NTM: variants seen among roughly 807,000 people sequenced by gnomAD.
NTM encodes neurotrimin, also known as IgLON family member 2.
A neutral mutation model predicts 42.1 loss-of-function variants in NTM; 13 were observed. The observed-to-expected ratio is 0.31, with a 90% CI of 0.20 to 0.49. NTM has a LOEUF of 0.49. Among genes scored for constraint, NTM ranks in the 20% least tolerant of loss-of-function variants. The pLI is 0.99. For synonymous variants in NTM, 187 were observed against 179.2 expected, an observed-to-expected ratio of 1.04 and a Z score of -0.35; for missense variants, 373 against 452.8, an observed-to-expected ratio of 0.82 and a Z score of 1.60.
At chr11:131,389,766 A>T (rs965381548) in intron 1 of NTM, among the ~76,000 whole-genome samples, 1 of 152,236 alleles carries the variant, frequency 6.6e-6, no homozygotes, top group African/African-American at 2.4e-5. Flanking sequence ...GCTGCGTTAC[A>T]AATAGGAACT....
intron 1 of NTM, among the ~76,000 whole-genome samples, chr11:131,770,252 C>G (rs933355992): frequency 6.6e-6 from 1 of 152,182 alleles, no homozygotes; most frequent in Non-Finnish European, 1.5e-5. Flanking sequence ...GCTGAGCAGC[C>G]CAGACCTTTG....
At chr11:131,832,997 T>C (rs1167316153) in intron 1 of NTM, among the ~76,000 whole-genome samples, 1 of 152,240 alleles carries the variant, frequency 6.6e-6, no homozygotes, top group African/African-American at 2.4e-5. Context: ...ATTTATAACA[T>C]GTTAGAATTA....
chr11:132,254,549 G>T (rs1434295892), intron 4 of NTM, among the ~76,000 whole-genome samples: 2 of 151,916 alleles, frequency 1.3e-5, no homozygotes, highest in Non-Finnish European at 2.9e-5. Flanking sequence ...CCCATCTACC[G>T]CTGGCCTTCC....
chr11:132,256,515 CT>C (rs766050646), intron 4 of NTM, among the ~76,000 whole-genome samples: 1 of 152,192 alleles, frequency 6.6e-6, no homozygotes, highest in Non-Finnish European at 1.5e-5. Flanking sequence ...ACTTTGCCGG[CT>C]TTTTCTCATT....
chr11:131,883,514 G>A (rs2049883156), intron 1 of NTM, among the ~76,000 whole-genome samples: 1 of 151,348 alleles, frequency 6.6e-6, no homozygotes, highest in African/African-American at 2.4e-5. Context: ...AGAAAAAACA[G>A]CACCAGGTAT....
intron 1 of NTM, among the ~76,000 whole-genome samples, chr11:131,458,786 G>T (rs1483053639): frequency 6.6e-6 from 1 of 152,228 alleles, no homozygotes; most frequent in Non-Finnish European, 1.5e-5. Context: ...GCAATGGTTT[G>T]CAAACTTAGT....
chr11:131,901,172 T>C (rs1450383234), intron 1 of NTM, among the ~76,000 whole-genome samples: 2 of 152,238 alleles, frequency 1.3e-5, no homozygotes, highest in African/African-American at 4.8e-5. Flanking sequence ...ATTATTCCTT[T>C]TTAATAGAAG....
intron 1 of NTM, among the ~76,000 whole-genome samples, chr11:131,439,981 A>T (rs1298007017): frequency 6.7e-6 from 1 of 148,828 alleles, no homozygotes; most frequent in African/African-American, 2.5e-5. Flanking sequence ...TTTGTACTTA[A>T]TACATTTCTC....
intron 1 of NTM, among the ~76,000 whole-genome samples, chr11:131,437,800 T>C (rs1272207979): frequency 6.6e-6 from 1 of 152,196 alleles, no homozygotes; most frequent in Non-Finnish European, 1.5e-5. Flanking sequence ...AGGTTAATAT[T>C]GTTACATGTG....
At chr11:131,839,863 G>A (rs970218699) in intron 1 of NTM, among the ~76,000 whole-genome samples, 1 of 152,196 alleles carries the variant, frequency 6.6e-6, no homozygotes, top group Non-Finnish European at 1.5e-5. Flanking sequence ...TTGGGAGATA[G>A]TCAGTTTCTA....
intron 1 of NTM, among the ~76,000 whole-genome samples, chr11:131,735,232 C>T (rs1281731734): frequency 6.6e-6 from 1 of 152,220 alleles, no homozygotes; most frequent in Non-Finnish European, 1.5e-5. Context: ...AGCTCCAAGG[C>T]ACTCTTCACA....
At chr11:132,294,123 A>T (rs918855712) in intron 4 of NTM, among the ~76,000 whole-genome samples, 5 of 152,146 alleles carry the variant, frequency 3.3e-5, no homozygotes, top group Non-Finnish European at 7.3e-5. Flanking sequence ...TGTCACTATG[A>T]CTTCGAGCTT....
At chr11:131,750,234 C>T (rs1009928538) in intron 1 of NTM, among the ~76,000 whole-genome samples, 3 of 151,956 alleles carry the variant, frequency 2.0e-5, no homozygotes, top group Non-Finnish European at 4.4e-5. Context: ...TGGGTGTTGC[C>T]ACCTTTGTCC....
chr11:131,664,767 T>G (rs558464381), intron 1 of NTM, among the ~76,000 whole-genome samples: 113 of 151,258 alleles, frequency 7.5e-4, no homozygotes, highest in East Asian at 7.7e-4. Flanking sequence ...TTTTTTTTTT[T>G]TTTTTTTTTT....
chr11:131,456,717 G>A (rs534654148), intron 1 of NTM, among the ~76,000 whole-genome samples: 23 of 152,314 alleles, frequency 1.5e-4, no homozygotes, highest in East Asian at 5.8e-4. Context: ...CTGTCTACTC[G>A]TAAGGGCTTG....
chr11:132,047,450 C>T (rs1404046751), intron 2 of NTM, among the ~76,000 whole-genome samples: 2 of 152,264 alleles, frequency 1.3e-5, no homozygotes, highest in African/African-American at 4.8e-5. Flanking sequence ...TACATTGTCT[C>T]TAAGCCTTTG....
At chr11:132,064,318 T>C (rs1014109580) in intron 2 of NTM, among the ~76,000 whole-genome samples, 15 of 152,248 alleles carry the variant, frequency 9.9e-5, no homozygotes, top group Non-Finnish European at 2.2e-4. Flanking sequence ...TCTACCTATC[T>C]ATCTATCCTA....
At chr11:131,530,933 T>C (rs1312228568) in intron 1 of NTM, among the ~76,000 whole-genome samples, 1 of 152,006 alleles carries the variant, frequency 6.6e-6, no homozygotes, top group Admixed American at 6.6e-5. Context: ...AGAACAGTAG[T>C]GGGAGGTAGG....
At chr11:132,303,802 G>A (rs1437818335) in intron 4 of NTM, among the ~76,000 whole-genome samples, 1 of 149,752 alleles carries the variant, frequency 6.7e-6, no homozygotes, top group African/African-American at 2.5e-5. Context: ...GAGAGCTGCA[G>A]CAGTGGCAGT....
Sources: allele counts gnomAD v4.1 joint callset (sites outside exome capture counted in the v4.1 genomes callset), GRCh38; gene constraint gnomAD v4.1.1; transcripts MANE v1.5; gene names NCBI Gene and HGNC (gene_info 2026-07-23, HGNC 2026-07-21).